The following MCM9 variants were observed in gnomAD, a reference collection of about 807,000 sequenced individuals.
MCM9 encodes DNA helicase MCM9.
Under a neutral mutation model 72.8 loss-of-function variants are expected in MCM9, and 55 were observed. The observed-to-expected ratio is 0.76, with a 90% CI of 0.61 to 0.95. The LOEUF (loss-of-function observed/expected upper bound fraction) is 0.95, where lower values mean the gene tolerates loss of function less well. Ranked by LOEUF, MCM9 falls within the 40% of genes least tolerant of loss-of-function variation. The pLI, the probability that MCM9 is intolerant of heterozygous loss-of-function variation, is 0.00. For missense variants in MCM9, 1,279 were observed against 1,377.0 expected (o/e 0.93, Z 1.13); for synonymous variants, 480 against 503.4 (o/e 0.95, Z 0.62).
At chr6:118,929,911 T>C (rs1257606752) in intron 3 of MCM9, among the ~76,000 whole-genome samples, 1 of 152,148 alleles carries the variant, frequency 6.6e-6, no homozygotes, top group Non-Finnish European at 1.5e-5. Context: ...TAATTTATCC[T>C]AGCAAGTGTA....
At chr6:118,881,470 G>A (rs944567873) in intron 8 of MCM9, among the ~76,000 whole-genome samples, 3 of 152,122 alleles carry the variant, frequency 2.0e-5, no homozygotes, top group South Asian at 2.1e-4. Context: ...GTCAATGTGC[G>A]GAATTTATTG....
intron 6 of MCM9, among the ~76,000 whole-genome samples, chr6:118,914,094 A>C (rs1320775085): frequency 6.6e-6 from 1 of 152,172 alleles, no homozygotes; most frequent in East Asian, 1.9e-4. Context: ...CCTCCAAGTC[A>C]ATTCAGCATT....
chr6:118,876,659 G>A (rs1045182827), intron 8 of MCM9, among the ~76,000 whole-genome samples: 5 of 152,108 alleles, frequency 3.3e-5, no homozygotes, highest in African/African-American at 4.8e-5. Flanking sequence ...GTTGATCCTC[G>A]CTGAAGTTAA....
intron 10 of MCM9, among the ~76,000 whole-genome samples, chr6:118,828,683 C>T (rs940619911): frequency 1.3e-5 from 2 of 152,180 alleles, no homozygotes; most frequent in East Asian, 3.9e-4. Context: ...CCACGCCCGG[C>T]CTGAGTAAAT....
chr6:118,918,418 A>G (rs1294693479), intron 5 of MCM9: 1 of 152,268 alleles, frequency 6.6e-6, no homozygotes, highest in Non-Finnish European at 1.5e-5. Context: ...GTTCTCTCCT[A>G]CCTGAGGAAA....
At chr6:118,843,686 GTGTA>G (rs1196834761) in intron 9 of MCM9, among the ~76,000 whole-genome samples, 2 of 31,224 alleles carry the variant, frequency 6.4e-5, no homozygotes, top group Non-Finnish European at 1.2e-4. Context: ...ATATATATAT[GTGTA>G]TATATATATA....
intron 3 of MCM9, among the ~76,000 whole-genome samples, chr6:118,926,009 T>C (rs1172862630): frequency 1.3e-5 from 2 of 152,228 alleles, no homozygotes; most frequent in African/African-American, 2.4e-5. Flanking sequence ...ATTCACAATA[T>C]TGTATAACCA....
chr6:118,878,826 G>A (rs1778100915), intron 8 of MCM9, among the ~76,000 whole-genome samples: 1 of 152,156 alleles, frequency 6.6e-6, no homozygotes, highest in African/African-American at 2.4e-5. Context: ...GGAGGCTGAG[G>A]TGGGTGGATT....
intron 6 of MCM9, among the ~76,000 whole-genome samples, chr6:118,916,298 T>C (rs1780940688): frequency 6.6e-6 from 1 of 150,906 alleles, no homozygotes; most frequent in African/African-American, 2.4e-5. Flanking sequence ...AACTTTTGCT[T>C]CTTTCAATAC....
intron 8 of MCM9, among the ~76,000 whole-genome samples, chr6:118,883,933 A>T (rs1778449043): frequency 6.6e-6 from 1 of 152,266 alleles, no homozygotes; most frequent in Non-Finnish European, 1.5e-5. Flanking sequence ...TAGAAAAAAC[A>T]GTTTAGAGAC....
At chr6:118,817,881 A>C (rs1773512845) in intron 13 of MCM9, among the ~76,000 whole-genome samples, 2 of 152,098 alleles carry the variant, frequency 1.3e-5, no homozygotes, top group African/African-American at 4.8e-5. Flanking sequence ...GCATTTCTTT[A>C]ATGACCAGTG....
intron 8 of MCM9, among the ~76,000 whole-genome samples, chr6:118,871,991 T>C (rs1219361298): frequency 6.6e-6 from 1 of 151,730 alleles, no homozygotes; most frequent in East Asian, 1.9e-4. Context: ...AATCATACAA[T>C]GTCTGTGTTT....
intron 9 of MCM9, among the ~76,000 whole-genome samples, chr6:118,837,963 T>C (rs1775079981): frequency 6.6e-6 from 1 of 152,200 alleles, no homozygotes; most frequent in Admixed American, 6.5e-5. Flanking sequence ...ATCGATGGTC[T>C]TTACAATTTC....
intron 9 of MCM9, among the ~76,000 whole-genome samples, chr6:118,839,575 T>A (rs1775209697): frequency 6.6e-6 from 1 of 152,178 alleles, no homozygotes; most frequent in Non-Finnish European, 1.5e-5. Context: ...CTACCTACAG[T>A]CTTTGATGTT....
At chr6:118,872,163 A>C (rs1160752697) in intron 8 of MCM9, among the ~76,000 whole-genome samples, 1 of 150,096 alleles carries the variant, frequency 6.7e-6, no homozygotes. Flanking sequence ...TAAAAGTACA[A>C]AAAAAATTAG....
chr6:118,894,629 C>A, intron 8 of MCM9: 1 of 998,806 alleles, frequency 1.0e-6, no homozygotes, highest in Non-Finnish European at 1.5e-6. Context: ...GCCTGGCGGC[C>A]GCGGGCTGCT....
intron 8 of MCM9, chr6:118,911,189 A>G (rs903748304): frequency 1.0e-6 from 1 of 985,432 alleles, no homozygotes; most frequent in African/African-American, 1.7e-5. Flanking sequence ...TGATGGAAGT[A>G]TATTTTCCAA....
chr6:118,863,022 C>T (rs1776997851), intron 8 of MCM9, among the ~76,000 whole-genome samples: 1 of 151,968 alleles, frequency 6.6e-6, no homozygotes, highest in South Asian at 2.1e-4. Flanking sequence ...TGACATAGGT[C>T]AGAAACTCAG....
At chr6:118,854,330 A>G (rs1271662002) in intron 9 of MCM9, among the ~76,000 whole-genome samples, 4 of 152,114 alleles carry the variant, frequency 2.6e-5, no homozygotes, top group Non-Finnish European at 5.9e-5. Flanking sequence ...TTCACCATGA[A>G]GTATGAGACG....
Sources: allele counts gnomAD v4.1 joint callset (sites outside exome capture counted in the v4.1 genomes callset), GRCh38; gene constraint gnomAD v4.1.1; transcripts MANE v1.5; gene names NCBI Gene and HGNC (gene_info 2026-07-23, HGNC 2026-07-21).